Variants in FTO observed in about 807,000 individuals in gnomAD.
The protein encoded by FTO is alpha-ketoglutarate-dependent dioxygenase FTO.
In FTO, 47 loss-of-function variants were observed where a neutral mutation model predicts 63.9. That is an observed-to-expected ratio of 0.74 (90% CI 0.58 to 0.94). The LOEUF is 0.94. FTO is among the 40% of genes least tolerant of loss of function. The pLI is 0.00. For synonymous variants in FTO, 207 were observed against 224.4 expected (o/e 0.92, Z 0.69); for missense variants, 562 against 618.1 (o/e 0.91, Z 0.96).
At chr16:54,083,712 A>G (rs1197628177) in intron 8 of FTO, among the ~76,000 whole-genome samples, 2 of 152,100 alleles carry the variant, frequency 1.3e-5, no homozygotes, top group Non-Finnish European at 2.9e-5. Flanking sequence ...GAACAGACCA[A>G]CACCAACACC....
intron 8 of FTO, chr16:54,071,327 T>C (rs1414815251): frequency 1.3e-5 from 2 of 152,148 alleles, no homozygotes; most frequent in Admixed American, 1.3e-4. Context: ...TTACCGTAGC[T>C]GTCAGGAGTG....
chr16:54,064,133 T>G (rs974044711), intron 8 of FTO, among the ~76,000 whole-genome samples: 1 of 152,320 alleles, frequency 6.6e-6, no homozygotes, highest in East Asian at 1.9e-4. Flanking sequence ...ATTCTAGAAC[T>G]GGTTCCTGAA....
intron 7 of FTO, among the ~76,000 whole-genome samples, chr16:53,930,185 T>G (rs559499677): frequency 5.2e-4 from 79 of 151,638 alleles, no homozygotes; most frequent in African/African-American, 1.7e-3. Context: ...GAAATAAATA[T>G]ATAGTTTTGT....
intron 8 of FTO, among the ~76,000 whole-genome samples, chr16:53,961,787 T>C (rs1438145988): frequency 6.6e-6 from 1 of 152,220 alleles, no homozygotes; most frequent in African/African-American, 2.4e-5. Flanking sequence ...GACAGTGATT[T>C]GCGCTAGTCT....
intron 1 of FTO, among the ~76,000 whole-genome samples, chr16:53,705,639 G>T (rs1024854143): frequency 6.6e-6 from 1 of 152,132 alleles, no homozygotes; most frequent in Non-Finnish European, 1.5e-5. Flanking sequence ...GCAGTATTTC[G>T]TAAGGGACCA....
chr16:53,988,829 GT>G (rs773524691), intron 8 of FTO, among the ~76,000 whole-genome samples: 1 of 152,134 alleles, frequency 6.6e-6, no homozygotes, highest in African/African-American at 2.4e-5. Flanking sequence ...ATAATACCTA[GT>G]ATTATAAGGG....
At chr16:53,920,362 C>G (rs17222911) in intron 7 of FTO, among the ~76,000 whole-genome samples, 11,098 of 152,254 alleles carry the variant, frequency 0.073, 521 homozygotes, top group Non-Finnish European at 0.1. Flanking sequence ...CTAAAGTCCT[C>G]AAGTACAAGG....
chr16:54,112,889 C>T lies in FTO; in HGVS notation c.*974C>T, dbSNP rs2086919826. ...GGTGGAACTGAGGTTTGAAGAACCT[C>T]AGTGGCCCATCCTGATGACATTGGA... On this transcript the variant is annotated 3_prime_UTR_variant, in exon 9 of 9. Transcript: ENST00000471389. 1 of 152,160 alleles carries T rather than the reference C, an allele frequency of 6.6e-6. No individual in the cohort carries two copies. Among genetic ancestry groups the T allele is most frequent in the South Asian group, 2.1e-4 (1 of 4,824 alleles). The allele number at this position is 152,160 out of a possible 1,614,324, so 9.4% of individuals were successfully genotyped here.
At chr16:53,905,412 A>T (rs1280689208) in intron 7 of FTO, among the ~76,000 whole-genome samples, 2 of 152,156 alleles carry the variant, frequency 1.3e-5, no homozygotes, top group Non-Finnish European at 2.9e-5. Context: ...GATTTGCCTG[A>T]GATAATACAT....
intron 8 of FTO, among the ~76,000 whole-genome samples, chr16:54,008,838 TA>T (rs2084271820): frequency 9.7e-6 from 1 of 102,680 alleles, no homozygotes; most frequent in Admixed American, 1.2e-4. Context: ...ATAATAATAA[TA>T]ATAATAATAA....
intron 8 of FTO, among the ~76,000 whole-genome samples, chr16:54,075,838 T>C (rs1280423733): frequency 6.6e-6 from 1 of 152,174 alleles, no homozygotes; most frequent in African/African-American, 2.4e-5. Context: ...GGCAACAGAG[T>C]CTTGATGCTT....
chr16:54,007,334 G>C (rs2084232485), intron 8 of FTO, among the ~76,000 whole-genome samples: 1 of 152,070 alleles, frequency 6.6e-6, no homozygotes, highest in African/African-American at 2.4e-5. Flanking sequence ...AAACAAAAAA[G>C]AATGGTCGTG....
chr16:53,899,108 C>A (rs1012836670), intron 7 of FTO, among the ~76,000 whole-genome samples: 4 of 152,158 alleles, frequency 2.6e-5, no homozygotes, highest in Non-Finnish European at 5.9e-5. Flanking sequence ...ACGTCTTTAA[C>A]TTCTTTTTAA....
chr16:54,059,134 T>C (rs1221993748), intron 8 of FTO, among the ~76,000 whole-genome samples: 1 of 152,186 alleles, frequency 6.6e-6, no homozygotes, highest in Non-Finnish European at 1.5e-5. Context: ...AAGTGTAAAA[T>C]TGGGCCCCTC....
At position 54,066,382 on chromosome 16, in the gene FTO, T is replaced by G. The variant is rs572045285; in HGVS notation, c.1365-45380T>G. On this transcript the variant is annotated intron_variant, in intron 8 of 8. Coordinates refer to ENST00000471389, the MANE Select transcript of FTO (RefSeq NM_001080432.3). ...CTTCCAACTTTTAGACCGACACCCT[T>G]TCATTACACGAGGACTAACTCCACA... 7.2e-4 allele frequency among the ~76,000 whole-genome samples: 109 copies of G among 152,290 alleles called. 1 individual carries two copies. The highest frequency in any genetic ancestry group is 2.5e-3 in the African/African-American group (103 of 41,558).
At chr16:53,934,201 C>G in intron 8 of FTO, 92 bp downstream of exon 8, 5 of 1,357,268 alleles carry the variant, frequency 3.7e-6, no homozygotes, top group Non-Finnish European at 5.2e-6. Flanking sequence ...TCATCCCTTT[C>G]CTTTGAGGGC....
At chr16:53,738,600 G>A (rs551382572) in intron 1 of FTO, among the ~76,000 whole-genome samples, 33 of 152,196 alleles carry the variant, frequency 2.2e-4, no homozygotes, top group African/African-American at 7.5e-4. Context: ...TTTCTCTTGA[G>A]CATATACCTG....
At chr16:53,959,151 G>A (rs142199132) in intron 8 of FTO, among the ~76,000 whole-genome samples, 63 of 152,290 alleles carry the variant, frequency 4.1e-4, no homozygotes, top group Non-Finnish European at 4.7e-4. Context: ...AAAAGGGTAC[G>A]TGGAGCCAAA....
At chr16:53,807,548 ATTAC>A (rs1197063304) in intron 1 of FTO, among the ~76,000 whole-genome samples, 5 of 152,144 alleles carry the variant, frequency 3.3e-5, no homozygotes, top group Non-Finnish European at 7.4e-5. Flanking sequence ...GGAGTATGTA[ATTAC>A]TTTTGGGAAT....
Sources: gnomAD v4.1 joint callset for allele counts (sites outside exome capture counted in the v4.1 genomes callset) on GRCh38, gnomAD v4.1.1 for gene constraint, MANE v1.5 for transcripts, NCBI Gene and HGNC (gene_info 2026-07-23, HGNC 2026-07-21) for gene names.